The following SOX6 variants were observed in gnomAD, a reference collection of about 807,000 sequenced individuals.
The protein encoded by SOX6 is SRY-box transcription factor 6.
A neutral mutation model predicts 97.8 loss-of-function variants in SOX6; 11 were observed. The ratio of observed to expected loss-of-function variants is 0.11; its 90% CI spans 0.07 to 0.19. SOX6 has a LOEUF of 0.19. Ranked by LOEUF, SOX6 falls within the 10% of genes least tolerant of loss-of-function variation. The pLI is 1.00. For synonymous variants in SOX6, 360 were observed against 371.4 expected, an observed-to-expected ratio of 0.97 and a Z score of 0.35; for missense variants, 810 against 1,039.5, an observed-to-expected ratio of 0.78 and a Z score of 3.04.
chr11:16,700,762 C>T (rs1346046951), intron 3 of SOX6, among the ~76,000 whole-genome samples: 3 of 152,196 alleles, frequency 2.0e-5, no homozygotes, highest in Non-Finnish European at 4.4e-5. Flanking sequence ...TTTCAGTCCT[C>T]TTATCCCTTC....
chr11:16,038,668 C>T (rs1170229047), intron 12 of SOX6, among the ~76,000 whole-genome samples: 1 of 152,018 alleles, frequency 6.6e-6, no homozygotes, highest in Non-Finnish European at 1.5e-5. Flanking sequence ...GTTATCTTTC[C>T]ACTTCACATG....
intron 1 of SOX6, among the ~76,000 whole-genome samples, chr11:16,425,017 G>A (rs1010940014): frequency 6.6e-6 from 1 of 152,236 alleles, no homozygotes; most frequent in East Asian, 1.9e-4. Flanking sequence ...TCTAGTGAAA[G>A]CTACTATGGA....
In SOX6 at chr11:16,346,380, T is replaced by A. The variant is rs894623649; in HGVS notation, c.-4-5128A>T. ...GATTTTAAAACCCTCTTCTTCTATCTCTAATTTCCACATTCAAGGATCTTG... is the reference window on the plus strand; with the variant it reads ...GATTTTAAAACCCTCTTCTTCTATCACTAATTTCCACATTCAAGGATCTTG... On this transcript the variant is annotated intron_variant, in intron 1 of 15. Coordinates refer to ENST00000683767, the MANE Select transcript of SOX6 (RefSeq NM_001367873.1). Among the ~76,000 whole-genome samples the A allele has an allele frequency of 5.3e-5, 8 of 152,096 alleles. No homozygotes were observed. In the East Asian group the frequency reaches 9.7e-4, roughly 18 times the overall value.
chr11:16,194,968 C>A (rs370675482), intron 4 of SOX6, among the ~76,000 whole-genome samples: 170 of 152,278 alleles, frequency 1.1e-3, no homozygotes, highest in African/African-American at 3.8e-3. Flanking sequence ...TCTCCATAAC[C>A]TACACATAAA....
chr11:16,219,918 A>G (rs1350328188), intron 4 of SOX6, among the ~76,000 whole-genome samples: 2 of 152,050 alleles, frequency 1.3e-5, no homozygotes, highest in Non-Finnish European at 2.9e-5. Flanking sequence ...ATGGAGATTA[A>G]TTATGATCCC....
chr11:16,060,325 A>G (rs1249700886), intron 9 of SOX6, among the ~76,000 whole-genome samples: 1 of 151,870 alleles, frequency 6.6e-6, no homozygotes, highest in Non-Finnish European at 1.5e-5. Flanking sequence ...AAGACCACAT[A>G]AACTCTGAGA....
chr11:16,676,161 C>A (rs1590048116), intron 3 of SOX6, among the ~76,000 whole-genome samples: 1 of 152,132 alleles, frequency 6.6e-6, no homozygotes, highest in African/African-American at 2.4e-5. Flanking sequence ...TGAATTCTTT[C>A]TTTTGCCTGC....
chr11:16,085,102 C>G (rs1166070322), intron 9 of SOX6, among the ~76,000 whole-genome samples: 7 of 152,152 alleles, frequency 4.6e-5, no homozygotes, highest in Non-Finnish European at 8.8e-5. Context: ...AATGACATAA[C>G]TACACATTAT....
intron 4 of SOX6, among the ~76,000 whole-genome samples, chr11:16,578,488 G>T (rs1354717164): frequency 2.6e-5 from 4 of 152,068 alleles, no homozygotes; most frequent in African/African-American, 9.7e-5. Flanking sequence ...AAAGTGAAAA[G>T]ATTGGGCTAG....
At chr11:16,695,152 GA>G (rs1848044361) in intron 3 of SOX6, among the ~76,000 whole-genome samples, 1 of 152,054 alleles carries the variant, frequency 6.6e-6, no homozygotes, top group Middle Eastern at 3.2e-3. Flanking sequence ...TTCACCAAAG[GA>G]AAAAGATCTC....
chr11:16,692,106 G>T (rs1472471573), intron 3 of SOX6, among the ~76,000 whole-genome samples: 2 of 149,428 alleles, frequency 1.3e-5, no homozygotes, highest in East Asian at 2.0e-4. Context: ...CGCGCTTTCT[G>T]AGTCTTGCTC....
At chr11:16,552,166 C>CA (rs1471091827) in intron 4 of SOX6, among the ~76,000 whole-genome samples, 42 of 151,818 alleles carry the variant, frequency 2.8e-4, no homozygotes, top group African/African-American at 9.2e-4. Context: ...ACACGGCCCC[C>CA]AAAAAAATTA....
chr11:16,533,595 C>T (rs1861265976), intron 4 of SOX6, among the ~76,000 whole-genome samples: 1 of 151,742 alleles, frequency 6.6e-6, no homozygotes, highest in African/African-American at 2.4e-5. Flanking sequence ...GATTATATAC[C>T]CTCATTGAAA....
At chr11:16,239,094 C>T (rs952290084) in intron 3 of SOX6, among the ~76,000 whole-genome samples, 10 of 152,036 alleles carry the variant, frequency 6.6e-5, no homozygotes, top group Admixed American at 1.3e-4. Context: ...GTTGCACATG[C>T]CAGTTACTGT....
intron 3 of SOX6, among the ~76,000 whole-genome samples, chr11:16,656,165 G>A (rs1358177697): frequency 3.3e-5 from 5 of 151,758 alleles, no homozygotes; most frequent in African/African-American, 4.8e-5. Context: ...TGCAACCTCC[G>A]ACTCCCTGGT....
intron 4 of SOX6, among the ~76,000 whole-genome samples, chr11:16,224,479 T>C (rs1478072267): frequency 6.6e-6 from 1 of 152,076 alleles, no homozygotes; most frequent in Non-Finnish European, 1.5e-5. Context: ...TTCTTTCCAG[T>C]AGCTTTTGTT....
intron 1 of SOX6, among the ~76,000 whole-genome samples, chr11:16,462,207 T>C (rs1859944307): frequency 6.6e-6 from 1 of 152,250 alleles, no homozygotes; most frequent in Non-Finnish European, 1.5e-5. Context: ...ATGAAGATCC[T>C]AATAGTGTCA....
chr11:16,718,827 C>T (rs1848237602), intron 2 of SOX6, among the ~76,000 whole-genome samples: 1 of 151,776 alleles, frequency 6.6e-6, no homozygotes, highest in Admixed American at 6.6e-5. Flanking sequence ...AATATAGGTA[C>T]TTTTAAAACA....
At chr11:16,113,015 T>C (rs1405664323) in intron 6 of SOX6, among the ~76,000 whole-genome samples, 1 of 152,202 alleles carries the variant, frequency 6.6e-6, no homozygotes, top group African/African-American at 2.4e-5. Context: ...CCAGTAATTC[T>C]TCCAACCCCA....
Sources: allele counts gnomAD v4.1 joint callset (sites outside exome capture counted in the v4.1 genomes callset), GRCh38; gene constraint gnomAD v4.1.1; transcripts MANE v1.5; gene names NCBI Gene and HGNC (gene_info 2026-07-23, HGNC 2026-07-21).